SMYD1: variants seen among roughly 807,000 people sequenced by gnomAD.
The protein encoded by SMYD1 is SET and MYND domain containing 1, also known as histone-lysine N-methyltransferase SMYD1.
In SMYD1, 49 loss-of-function variants were observed where a neutral mutation model predicts 54.0. That is an observed-to-expected ratio of 0.91 (90% CI 0.72 to 1.15). The LOEUF is 1.15. Ranked by LOEUF, SMYD1 falls within the 50% of genes most tolerant of loss-of-function variation. The probability of loss-of-function intolerance (pLI) is 0.00; values close to 1 mark genes in which losing one functional copy is unlikely to be tolerated. For missense variants in SMYD1, 653 were observed against 639.6 expected (o/e 1.02, Z -0.23); for synonymous variants, 269 against 234.2 (o/e 1.15, Z -1.36).
At position 88,108,499 on chromosome 2, in the gene SMYD1, T is replaced by G; in HGVS notation, c.1274T>G (p.Val425Gly). ...MICKAYAILL[V>G]THGPSHPITK... ...TGCAAAGCCTATGCCATTCTCCTGG[T>G]GACACACGGACCCTCCCACCCCATC... The change falls in exon 9 of 10, where the codon GTG becomes GGG. Residue 425 changes from valine to glycine, a missense_variant. Coordinates refer to ENST00000419482, the MANE Select transcript of SMYD1 (RefSeq NM_198274.4). The G allele has an allele frequency of 6.2e-7, 1 of 1,609,106 alleles. No homozygotes were observed. The highest frequency in any genetic ancestry group is 2.3e-5 in the East Asian group (1 of 44,212).
At chr2:88,077,971 C>T (rs375975076) in intron 1 of SMYD1, among the ~76,000 whole-genome samples, 4 of 152,106 alleles carry the variant, frequency 2.6e-5, no homozygotes, top group South Asian at 2.1e-4. Context: ...GTGACCCACC[C>T]GCCTCGGCCT....
At chr2:88,068,105 G>A in intron 1 of SMYD1, 104 bp downstream of exon 1, 1 of 1,446,612 alleles carries the variant, frequency 6.9e-7, no homozygotes, top group South Asian at 1.4e-5. Flanking sequence ...TAAAATTCAT[G>A]TGCTCTTTTT....
At position 88,111,123 on chromosome 2, in the gene SMYD1, C is replaced by G. The variant is rs919597971; in HGVS notation, c.*611C>G. 2 of 152,300 alleles carry G rather than the reference C, an allele frequency of 1.3e-5. No homozygotes were observed. Among genetic ancestry groups the G allele is most frequent in the African/African-American group, 2.4e-5 (1 of 41,436 alleles). The allele number at this position is 152,300 out of a possible 1,614,324, so 9.4% of individuals were successfully genotyped here. Reference sequence around the variant, plus strand: ...CTGTGTTTGGGCCACGTAGGCTCTACTCAGAGACCTGAAACCACTTCAGAA... The same window carrying G: ...CTGTGTTTGGGCCACGTAGGCTCTAGTCAGAGACCTGAAACCACTTCAGAA... On this transcript the variant is annotated 3_prime_UTR_variant, in exon 10 of 10. Coordinates refer to ENST00000419482, the MANE Select transcript of SMYD1 (RefSeq NM_198274.4).
Position 88,067,904 on chromosome 2 carries a change from G to A in SMYD1, c.40G>A (p.Ala14Thr), listed in dbSNP as rs2103971277. 1 of 1,614,060 alleles carries A rather than the reference G, an allele frequency of 6.2e-7. No individual in the cohort carries two copies. The highest frequency in any genetic ancestry group is 8.5e-7 in the Non-Finnish European group (1 of 1,180,024). The change falls in exon 1 of 10, where the codon GCT (alanine) becomes ACT (threonine). Residue 14 changes from alanine to threonine, a missense_variant. Ala to Thr is a moderately conservative substitution (Grantham distance 58). Transcript: ENST00000419482. ...GRMENVEVFTAEGKGRGLKAT... is the reference protein window; with the variant it reads ...GRMENVEVFTTEGKGRGLKAT... ...AATGGAGAACGTGGAGGTCTTCACC[G>A]CTGAGGGCAAAGGAAGGGGTCTGAA...
intron 1 of SMYD1, among the ~76,000 whole-genome samples, chr2:88,070,942 C>CAAAAAA (rs61024525): frequency 6.5e-4 from 39 of 60,118 alleles, no homozygotes; most frequent in South Asian, 1.9e-3. Flanking sequence ...GACTATTTCT[C>CAAAAAA]AAAAAAAAAA....
At chr2:88,068,154 ACAAATTTTTCTG>A (rs909804770) in intron 1 of SMYD1, among the ~76,000 whole-genome samples, 153 bp downstream of exon 1, 1 of 152,256 alleles carries the variant, frequency 6.6e-6, no homozygotes, top group African/African-American at 2.4e-5. Context: ...TTTTTCTGGC[ACAAATTTTTCTG>A]CAAGGGATCA....
At chr2:88,106,564 T>C in intron 8 of SMYD1, 76 bp downstream of exon 8, 1 of 1,491,656 alleles carries the variant, frequency 6.7e-7, no homozygotes, top group South Asian at 1.2e-5. Context: ...GATGGCACAT[T>C]TACTGGTGCC....
At position 88,110,644 on chromosome 2, in the gene SMYD1, G is replaced by C; in HGVS notation, c.*132G>C. On this transcript the variant is annotated 3_prime_UTR_variant, in exon 10 of 10. Coordinates refer to ENST00000419482, the MANE Select transcript of SMYD1 (RefSeq NM_198274.4). ...AACATTGTTGCTGTGAGAATTTACT[G>C]CCCTATGTTTCCCAGAGCCATTTTG... 1 of 1,216,144 alleles carries C rather than the reference G, an allele frequency of 8.2e-7. No homozygotes were observed. The highest frequency in any genetic ancestry group is 1.1e-6 in the Non-Finnish European group (1 of 904,418). 75.3% of individuals were successfully genotyped at this position (1,216,144 alleles called of 1,614,324 possible).
chr2:88,091,147 G>A lies in SMYD1; in HGVS notation c.659+5G>A. 3 of 1,613,630 alleles carry A rather than the reference G, an allele frequency of 1.9e-6. No individual in the cohort carries two copies. Among genetic ancestry groups the A allele is most frequent in the Non-Finnish European group, 2.5e-6 (3 of 1,179,642 alleles). On this transcript the variant is annotated splice_donor_5th_base_variant and intron_variant, in intron 4 of 9. Transcript: ENST00000419482. ...TGTCATATTTAACAATGGCAAGTGA[G>A]TATGTCTTTATGTGGGGGTGTGTGT...
chr2:88,093,354 G>C (rs905747199), intron 4 of SMYD1, among the ~76,000 whole-genome samples, 163 bp from the exon 5 acceptor site: 1 of 152,204 alleles, frequency 6.6e-6, no homozygotes, highest in Admixed American at 6.5e-5. Context: ...ATACTAGGCT[G>C]TGTCTTGTCC....
At chr2:88,094,756 T>C (rs1377872252) in intron 5 of SMYD1, among the ~76,000 whole-genome samples, 2 of 152,158 alleles carry the variant, frequency 1.3e-5, no homozygotes, top group Non-Finnish European at 2.9e-5. Context: ...CCAGCCCAAT[T>C]GGCCACTGAT....
chr2:88,088,024 G>A lies in SMYD1; in HGVS notation c.477G>A (p.Pro159=), dbSNP rs760673221. The A allele has an allele frequency of 2.5e-5, 40 of 1,613,994 alleles. No individual in the cohort carries two copies. Among genetic ancestry groups the A allele is most frequent in the East Asian group, 8.9e-5 (4 of 44,876 alleles). The change falls in exon 3 of 10, where the codon CCG becomes CCA. Residue 159 remains proline (P), a synonymous_variant. Transcript: ENST00000419482. ...VDVDTFLQYW[P]PQSQQFSMQY... ...TGGACACATTCTTGCAGTACTGGCCGCCGCAGAGCCAGCAGTTCAGCATGC... is the reference window on the plus strand; with the variant it reads ...TGGACACATTCTTGCAGTACTGGCCACCGCAGAGCCAGCAGTTCAGCATGC...
chr2:88,106,971 C>T (rs770520798), intron 8 of SMYD1, among the ~76,000 whole-genome samples: 2 of 152,060 alleles, frequency 1.3e-5, no homozygotes, highest in Non-Finnish European at 2.9e-5. Context: ...GAGGCCGAGG[C>T]GGGAGGATCA....
intron 2 of SMYD1, among the ~76,000 whole-genome samples, chr2:88,085,144 A>T (rs1674294259): frequency 6.6e-6 from 1 of 151,940 alleles, no homozygotes; most frequent in Admixed American, 6.5e-5. Flanking sequence ...TTGAAAAAAA[A>T]AATAAACAAA....
At chr2:88,103,175 A>G (rs1450151310) in intron 7 of SMYD1, 25 bp downstream of exon 7, 1 of 1,489,582 alleles carries the variant, frequency 6.7e-7, no homozygotes, top group East Asian at 2.8e-5. Flanking sequence ...GTTATAGAGG[A>G]TGGGGGTAGA....
chr2:88,090,139 T>A (rs2919855), intron 3 of SMYD1, among the ~76,000 whole-genome samples: 17,120 of 152,232 alleles, frequency 0.11, 1,064 homozygotes, highest in Middle Eastern at 0.19. Context: ...ACTCAGAGGC[T>A]TAACATCATG....
At chr2:88,086,296 C>T (rs971011078) in intron 2 of SMYD1, among the ~76,000 whole-genome samples, 1 of 152,152 alleles carries the variant, frequency 6.6e-6, no homozygotes, top group Admixed American at 6.5e-5. Context: ...GAGGAGAGGG[C>T]CTGTGCTTTG....
chr2:88,078,481 T>C (rs967699124), intron 1 of SMYD1, among the ~76,000 whole-genome samples: 1 of 152,110 alleles, frequency 6.6e-6, no homozygotes, highest in African/African-American at 2.4e-5. Context: ...ACACAGCCAG[T>C]AGATATTGGA....
intron 9 of SMYD1, among the ~76,000 whole-genome samples, 154 bp from the exon 10 acceptor site, chr2:88,110,200 A>AGTGT (rs3222709): frequency 0.17 from 23,058 of 138,940 alleles, 2,179 homozygotes; most frequent in Admixed American, 0.22. Context: ...TTGATGAATG[A>AGTGT]GTGTGTGTGT....
Sources: gnomAD v4.1 joint callset for allele counts (sites outside exome capture counted in the v4.1 genomes callset) on GRCh38, gnomAD v4.1.1 for gene constraint, MANE v1.5 for transcripts, NCBI Gene and HGNC (gene_info 2026-07-23, HGNC 2026-07-21) for gene names.